Variants in PTPRD observed in about 807,000 individuals in gnomAD.
The protein encoded by PTPRD is protein tyrosine phosphatase receptor type D.
In PTPRD, 34 loss-of-function variants were observed where a neutral mutation model predicts 214.5. The observed-to-expected ratio is 0.16, with a 90% CI of 0.12 to 0.21. The LOEUF is 0.21. Ranked by LOEUF, PTPRD falls within the 10% of genes least tolerant of loss-of-function variation. PTPRD has a pLI of 1.00. For synonymous variants in PTPRD, 1,128 were observed against 845.7 expected (o/e 1.33, Z -5.79); for missense variants, 2,545 against 2,398.7 (o/e 1.06, Z -1.27).
chr9:8,801,718 T>TA (rs1197111947), intron 11 of PTPRD, among the ~76,000 whole-genome samples: 1 of 152,018 alleles, frequency 6.6e-6, no homozygotes, highest in East Asian at 1.9e-4. Context: ...TGTCTCAATT[T>TA]AAAAAATGAA....
intron 11 of PTPRD, among the ~76,000 whole-genome samples, chr9:8,851,998 T>G (rs574423881): frequency 3.9e-5 from 6 of 152,206 alleles, no homozygotes; most frequent in Non-Finnish European, 7.4e-5. Flanking sequence ...ATCCAACCAT[T>G]TATGAAATCA....
At chr9:9,841,078 G>T (rs2058219978) in intron 5 of PTPRD, among the ~76,000 whole-genome samples, 1 of 152,088 alleles carries the variant, frequency 6.6e-6, no homozygotes, top group Non-Finnish European at 1.5e-5. Flanking sequence ...GTACAACAAA[G>T]TGTTTTTGTC....
At chr9:9,372,379 G>T (rs1194416913) in intron 9 of PTPRD, among the ~76,000 whole-genome samples, 1 of 152,038 alleles carries the variant, frequency 6.6e-6, no homozygotes, top group East Asian at 1.9e-4. Flanking sequence ...GGCCTTCTTT[G>T]TCTCTTTTGA....
At chr9:9,382,683 G>C (rs1008353331) in intron 9 of PTPRD, among the ~76,000 whole-genome samples, 11 of 152,080 alleles carry the variant, frequency 7.2e-5, no homozygotes, top group Non-Finnish European at 1.6e-4. Context: ...GAGAAATTGG[G>C]ACTCTTGCAC....
intron 9 of PTPRD, among the ~76,000 whole-genome samples, chr9:9,376,675 A>G (rs2060891328): frequency 6.6e-6 from 1 of 152,150 alleles, no homozygotes; most frequent in East Asian, 1.9e-4. Context: ...AAAGGAAAAA[A>G]ACATTAATAG....
At chr9:8,934,097 C>T (rs1319830532) in intron 11 of PTPRD, among the ~76,000 whole-genome samples, 1 of 151,644 alleles carries the variant, frequency 6.6e-6, no homozygotes, top group Non-Finnish European at 1.5e-5. Context: ...TCTCTCACCT[C>T]CAGATGTGCA....
At chr9:9,894,889 G>T (rs28594892) in intron 5 of PTPRD, among the ~76,000 whole-genome samples, 12 of 151,686 alleles carry the variant, frequency 7.9e-5, no homozygotes, top group African/African-American at 2.7e-4. Flanking sequence ...GATTTTAACT[G>T]TAAGAACAAA....
Position 8,685,542 on chromosome 9 carries a change from T to C in PTPRD, c.64+48238A>G, listed in dbSNP as rs796439415. ...AGGCAACAAACACATCAGGAACAGT[T>C]GGAAACCAGCCAATACTTTGGTTTT... On this transcript the variant is annotated intron_variant, in intron 12 of 45. Transcript: ENST00000381196. Among the ~76,000 whole-genome samples the C allele has an allele frequency of 1.2e-4, 19 of 152,304 alleles. 1 individual carries two copies. The highest frequency in any genetic ancestry group is 4.3e-4 in the African/African-American group (18 of 41,572).
At chr9:9,810,516 A>G (rs1219335194) in intron 5 of PTPRD, among the ~76,000 whole-genome samples, 1 of 152,100 alleles carries the variant, frequency 6.6e-6, no homozygotes, top group Non-Finnish European at 1.5e-5. Context: ...TCGGTGCTCT[A>G]GAAATAAAAC....
chr9:9,581,935 A>G (rs564515992), intron 7 of PTPRD, among the ~76,000 whole-genome samples: 2 of 152,298 alleles, frequency 1.3e-5, no homozygotes, highest in South Asian at 4.1e-4. Flanking sequence ...AAATAAGACA[A>G]AAACCATAAT....
At chr9:10,609,617 G>A (rs1450512706) in intron 2 of PTPRD, among the ~76,000 whole-genome samples, 1 of 152,062 alleles carries the variant, frequency 6.6e-6, no homozygotes, top group African/African-American at 2.4e-5. Context: ...GCAGAACTCT[G>A]CACCTGCATA....
At chr9:8,721,429 CAAAA>C (rs35721977) in intron 12 of PTPRD, among the ~76,000 whole-genome samples, 2 of 97,324 alleles carry the variant, frequency 2.1e-5, no homozygotes. Flanking sequence ...GACTCCATTT[CAAAA>C]AAAAAAAAAA....
chr9:8,555,601 T>G (rs2083479832), intron 14 of PTPRD, among the ~76,000 whole-genome samples: 2 of 152,336 alleles, frequency 1.3e-5, no homozygotes, highest in East Asian at 3.9e-4. Context: ...TCATCAGCCT[T>G]GCTGCCTTCT....
intron 10 of PTPRD, among the ~76,000 whole-genome samples, chr9:9,137,779 C>T (rs1278975103): frequency 6.6e-6 from 1 of 152,134 alleles, no homozygotes; most frequent in Non-Finnish European, 1.5e-5. Context: ...ATTCCTGGTG[C>T]ATCCATTTGT....
At chr9:8,441,376 G>A (rs2095542144) in intron 34 of PTPRD, among the ~76,000 whole-genome samples, 1 of 152,196 alleles carries the variant, frequency 6.6e-6, no homozygotes, top group Non-Finnish European at 1.5e-5. Flanking sequence ...AAGTGGGAAT[G>A]CAAGGCCAAT....
intron 14 of PTPRD, among the ~76,000 whole-genome samples, chr9:8,584,983 T>A (rs1158847534): frequency 2.0e-5 from 3 of 152,154 alleles, no homozygotes; most frequent in African/African-American, 7.2e-5. Flanking sequence ...AGCACGGAGG[T>A]AATCTCCTCT....
At position 9,917,950 on chromosome 9, in the gene PTPRD, C is replaced by T. The variant is rs572726997; in HGVS notation, c.-368+20557G>A. Among the ~76,000 whole-genome samples the T allele has an allele frequency of 5.3e-5, 8 of 151,976 alleles. No individual in the cohort carries two copies. In the East Asian group the frequency reaches 1.5e-3, roughly 29 times the overall value. On this transcript the variant is annotated intron_variant, in intron 5 of 45. Transcript: ENST00000381196. ...CATAATGGAGGTCATATATGACAAA[C>T]CCAAAACATCTTACTGATCAGTGAA... is the stretch of plus-strand genomic sequence containing the variant.
chr9:8,948,545 ATATATATT>A (rs1295201291), intron 11 of PTPRD, among the ~76,000 whole-genome samples: 20 of 85,156 alleles, frequency 2.3e-4, no homozygotes, highest in South Asian at 3.5e-4. Context: ...ATATATATTT[ATATATATT>A]TATATATATT....
At chr9:8,694,118 G>A (rs1474711092) in intron 12 of PTPRD, among the ~76,000 whole-genome samples, 1 of 152,112 alleles carries the variant, frequency 6.6e-6, no homozygotes, top group Non-Finnish European at 1.5e-5. Flanking sequence ...ATTTAACAAT[G>A]GATAGTGATG....
Sources: gnomAD v4.1 joint callset for allele counts (sites outside exome capture counted in the v4.1 genomes callset) on GRCh38, gnomAD v4.1.1 for gene constraint, MANE v1.5 for transcripts, NCBI Gene and HGNC (gene_info 2026-07-23, HGNC 2026-07-21) for gene names.